FRMD4A: variants seen among roughly 807,000 people sequenced by gnomAD.
FRMD4A encodes FERM domain containing 4A.
FRMD4A carries 29 observed loss-of-function variants against 129.1 expected under a neutral mutation model. The ratio of observed to expected loss-of-function variants is 0.22; its 90% CI spans 0.17 to 0.31. FRMD4A has a LOEUF of 0.31. FRMD4A is among the 10% of genes least tolerant of loss of function. FRMD4A has a pLI of 1.00. For synonymous variants in FRMD4A, 634 were observed against 571.6 expected, an observed-to-expected ratio of 1.11 and a Z score of -1.56; for missense variants, 1,272 against 1,375.8, an observed-to-expected ratio of 0.92 and a Z score of 1.19.
At chr10:14,143,641 G>A (rs575395203) in intron 2 of FRMD4A, among the ~76,000 whole-genome samples, 3 of 152,172 alleles carry the variant, frequency 2.0e-5, no homozygotes, top group Non-Finnish European at 2.9e-5. Flanking sequence ...TGAGACAAGA[G>A]TCTTGTTCTG....
At chr10:13,669,108 C>G (rs867131230) in intron 17 of FRMD4A, among the ~76,000 whole-genome samples, 4 of 136,858 alleles carry the variant, frequency 2.9e-5, no homozygotes, top group Admixed American at 8.3e-5. Flanking sequence ...GTCACCCAGG[C>G]TGGAGTGCAG....
intron 2 of FRMD4A, among the ~76,000 whole-genome samples, chr10:13,948,025 T>A (rs1427941683): frequency 1.3e-5 from 2 of 151,468 alleles, no homozygotes; most frequent in African/African-American, 4.8e-5. Flanking sequence ...TAGGGAGATC[T>A]TGCCTCTATA....
intron 2 of FRMD4A, among the ~76,000 whole-genome samples, chr10:14,319,891 G>T (rs765528985): frequency 2.0e-4 from 31 of 152,168 alleles, no homozygotes; most frequent in Middle Eastern, 3.4e-3. Context: ...TTATTCAAAT[G>T]GTATTTCCCA....
intron 2 of FRMD4A, among the ~76,000 whole-genome samples, chr10:13,893,799 C>T (rs752019856): frequency 1.3e-5 from 2 of 152,208 alleles, no homozygotes; most frequent in African/African-American, 2.4e-5. Context: ...GCGTGAGCCA[C>T]CGCACCCAGC....
At chr10:13,792,987 A>T (rs1375228014) in intron 5 of FRMD4A, among the ~76,000 whole-genome samples, 3 of 152,126 alleles carry the variant, frequency 2.0e-5, no homozygotes, top group African/African-American at 7.2e-5. Flanking sequence ...TATTTTCCTA[A>T]TCTGTTGAAT....
At chr10:14,179,454 T>C (rs533646808) in intron 2 of FRMD4A, among the ~76,000 whole-genome samples, 11 of 152,326 alleles carry the variant, frequency 7.2e-5, no homozygotes, top group African/African-American at 1.7e-4. Context: ...GAAGGAGTTA[T>C]GTAACTAACA....
chr10:13,759,723 T>C (rs2091994676), intron 8 of FRMD4A, among the ~76,000 whole-genome samples: 1 of 152,194 alleles, frequency 6.6e-6, no homozygotes, highest in Non-Finnish European at 1.5e-5. Context: ...TTCTGTAACC[T>C]GAAAACATTA....
At chr10:13,752,089 A>G (rs1331798548) in intron 8 of FRMD4A, among the ~76,000 whole-genome samples, 1 of 152,250 alleles carries the variant, frequency 6.6e-6, no homozygotes, top group Non-Finnish European at 1.5e-5. Context: ...TAAACTGAGA[A>G]TAACATCCAA....
intron 2 of FRMD4A, among the ~76,000 whole-genome samples, chr10:13,948,545 G>C (rs1489733156): frequency 6.6e-6 from 1 of 152,096 alleles, no homozygotes; most frequent in African/African-American, 2.4e-5. Flanking sequence ...GAGGGGTTAG[G>C]AGCATTTTGC....
In FRMD4A at chr10:13,666,301, G is replaced by T. The variant is rs748209997; in HGVS notation, c.1399C>A (p.Arg467=). ...ATCTGGGACTGAATGGCAAACTCTC[G>T]TTCCAGGCGTTCCAGCTCAGCTTCC... ...GEEAELERLE[R]EFAIQSQITE... The change falls in exon 18 of 25, where the codon CGA becomes AGA. Residue 467 remains arginine (R), a synonymous_variant. Coordinates refer to ENST00000357447, the MANE Select transcript of FRMD4A (RefSeq NM_018027.5). 6.2e-7 allele frequency: 1 copy of T among 1,613,814 alleles called. No individual in the cohort carries two copies. The highest frequency in any genetic ancestry group is 8.5e-7 in the Non-Finnish European group (1 of 1,179,736).
intron 3 of FRMD4A, among the ~76,000 whole-genome samples, chr10:13,857,840 A>G (rs554622584): frequency 6.6e-6 from 1 of 152,350 alleles, no homozygotes; most frequent in Non-Finnish European, 1.5e-5. Flanking sequence ...CTGGAATGGT[A>G]AACTTTTAAA....
chr10:13,707,003 G>A, intron 13 of FRMD4A, 34 bp downstream of exon 13: 4 of 1,124,070 alleles, frequency 3.6e-6, no homozygotes, highest in African/African-American at 1.5e-5. Flanking sequence ...CGAGAGCCAC[G>A]CCATCCCGCA....
intron 8 of FRMD4A, among the ~76,000 whole-genome samples, chr10:13,755,622 C>T (rs1480107353): frequency 6.6e-6 from 1 of 152,208 alleles, no homozygotes; most frequent in Non-Finnish European, 1.5e-5. Flanking sequence ...TAATGAGGGA[C>T]TGCTACTATT....
At chr10:14,032,990 G>A (rs1833317671) in intron 2 of FRMD4A, among the ~76,000 whole-genome samples, 1 of 152,152 alleles carries the variant, frequency 6.6e-6, no homozygotes, top group Admixed American at 6.5e-5. Context: ...GAATATCTGC[G>A]AGGCTCCACT....
At chr10:14,321,702 A>G (rs1346093535) in intron 2 of FRMD4A, among the ~76,000 whole-genome samples, 1 of 152,204 alleles carries the variant, frequency 6.6e-6, no homozygotes, top group African/African-American at 2.4e-5. Flanking sequence ...AGTACAGAAG[A>G]CAGGCAACAG....
chr10:14,227,647 T>C (rs1344749239), intron 2 of FRMD4A, among the ~76,000 whole-genome samples: 2 of 152,144 alleles, frequency 1.3e-5, no homozygotes, highest in African/African-American at 4.8e-5. Context: ...TGTTTTCTCA[T>C]AATCTCCTTT....
chr10:13,657,990 AAAAT>A (rs1287860304), intron 21 of FRMD4A, among the ~76,000 whole-genome samples: 1 of 151,562 alleles, frequency 6.6e-6, no homozygotes, highest in East Asian at 1.9e-4. Context: ...AATAAATTAG[AAAAT>A]TAGCTGGGTG....
chr10:14,048,837 GA>G (rs1834108618), intron 2 of FRMD4A, among the ~76,000 whole-genome samples: 1 of 25,502 alleles, frequency 3.9e-5, no homozygotes, highest in African/African-American at 2.3e-4. Context: ...GAATAGAATA[GA>G]ATAGAATAGA....
chr10:13,692,927 A>C (rs2134826719), intron 15 of FRMD4A: 1 of 151,968 alleles, frequency 6.6e-6, no homozygotes, highest in East Asian at 1.9e-4. Context: ...AGGGCAGTGC[A>C]GTCACTGCTC....
Sources: gnomAD v4.1 joint callset for allele counts (sites outside exome capture counted in the v4.1 genomes callset) on GRCh38, gnomAD v4.1.1 for gene constraint, MANE v1.5 for transcripts, NCBI Gene and HGNC (gene_info 2026-07-23, HGNC 2026-07-21) for gene names.